Variants in DENND2A observed in about 807,000 individuals in gnomAD.
The protein encoded by DENND2A is DENN domain containing 2A.
Under a neutral mutation model 105.3 loss-of-function variants are expected in DENND2A, and 53 were observed. That is an observed-to-expected ratio of 0.50 (90% confidence interval 0.40 to 0.63). The LOEUF (loss-of-function observed/expected upper bound fraction) is 0.63. Among genes scored for constraint, DENND2A ranks in the 30% least tolerant of loss-of-function variants. DENND2A has a pLI of 0.00. For synonymous variants in DENND2A, 522 were observed against 508.4 expected (o/e 1.03, Z -0.36); for missense variants, 1,138 against 1,279.6 (o/e 0.89, Z 1.69).
chr7:140,563,506 A>G (rs939573196), intron 9 of DENND2A, among the ~76,000 whole-genome samples: 7 of 152,086 alleles, frequency 4.6e-5, no homozygotes, highest in Admixed American at 4.6e-4. Context: ...CTGTGCCTTG[A>G]TTCAGGTGAC....
At position 140,601,698 on chromosome 7, in the gene DENND2A, C is replaced by T. The variant is rs754664075; in HGVS notation, c.700G>A (p.Asp234Asn). 1.2e-6 allele frequency: 2 copies of T among 1,614,092 alleles called. No homozygotes were observed. Among genetic ancestry groups the T allele is most frequent in the Non-Finnish European group, 1.7e-6 (2 of 1,179,998 alleles). ...GREPTPELVE[D>N]RKGSCRRPWD... ...GGCCTTCTGCATGAACCTTTCCTGTCCTCCACAAGCTCAGGGGTGGGCTCC... is the reference window on the plus strand; with the variant it reads ...GGCCTTCTGCATGAACCTTTCCTGTTCTCCACAAGCTCAGGGGTGGGCTCC... Residue 234 changes from aspartate (D) to asparagine (N), a missense_variant, in exon 3 of 20, where the codon GAC becomes AAC. By Grantham distance (23) the Asp-to-Asn change is conservative (BLOSUM62 1). Transcript: ENST00000496613.
At chr7:140,579,708 G>T (rs192621004) in intron 5 of DENND2A, among the ~76,000 whole-genome samples, 1 of 152,012 alleles carries the variant, frequency 6.6e-6, no homozygotes, top group African/African-American at 2.4e-5. Flanking sequence ...ACACATGGAC[G>T]CACACCACAC....
intron 12 of DENND2A, among the ~76,000 whole-genome samples, chr7:140,555,310 T>G (rs1336774942): frequency 6.6e-6 from 1 of 151,884 alleles, no homozygotes; most frequent in Non-Finnish European, 1.5e-5. Context: ...ATTTTTTTTT[T>G]GTATTTTTAG....
intron 4 of DENND2A, among the ~76,000 whole-genome samples, chr7:140,586,900 G>C (rs1326362374): frequency 1.3e-5 from 2 of 152,028 alleles, no homozygotes; most frequent in African/African-American, 4.8e-5. Context: ...CACACATATG[G>C]GTTTCTCCCT....
chr7:140,518,755 TGAG>T lies in DENND2A; in HGVS notation c.2999-20_2999-18del, dbSNP rs746778251. ...TTTTATTGCCTAAAAAAAAGGAAAA[TGAG>T]AACATTTCACAAGGCAGACAAAGGA... On this transcript the variant is annotated intron_variant, in intron 19 of 19. Coordinates refer to ENST00000496613, the MANE Select transcript of DENND2A (RefSeq NM_015689.5). The T allele has an allele frequency of 2.5e-6, 4 of 1,611,688 alleles. No homozygotes were observed. Among genetic ancestry groups the T allele is most frequent in the Non-Finnish European group, 3.4e-6 (4 of 1,178,028 alleles).
chr7:140,527,016 G>A lies in DENND2A; in HGVS notation c.2505+302C>T, dbSNP rs889538369. On this transcript the variant is annotated intron_variant, in intron 15 of 19. Coordinates refer to ENST00000496613, the MANE Select transcript of DENND2A (RefSeq NM_015689.5). The surrounding 1 kb of genome is among the most constrained non-coding windows in gnomAD (Gnocchi z 4.9). Reference sequence around the variant, plus strand: ...GGAGTGGGCGAGAGGGCAGGGGAGAGGAGAGGGCTATTAATGACTTAAGAG... The same window carrying A: ...GGAGTGGGCGAGAGGGCAGGGGAGAAGAGAGGGCTATTAATGACTTAAGAG... Among the ~76,000 whole-genome samples the A allele has an allele frequency of 6.6e-6, 1 of 152,186 alleles. No individual in the cohort carries two copies. Among genetic ancestry groups the A allele is most frequent in the African/African-American group, 2.4e-5 (1 of 41,448 alleles).
chr7:140,521,965 C>T lies in DENND2A; in HGVS notation c.2801G>A (p.Arg934His), dbSNP rs376717563. ...EERTLQREAFRKAVSSKSLRH... is the reference protein window; with the variant it reads ...EERTLQREAFHKAVSSKSLRH... ...GAGGCTCTTGGAGGAGACAGCTTTG[C>T]GGAAGGCCTCCCGCTGCAGGGTTCT... Residue 934 changes from arginine (R) to histidine (H), a missense_variant, in exon 18 of 20, where the codon CGC (arginine) becomes CAC (histidine). Transcript: ENST00000496613. 10 of 1,614,024 alleles carry T rather than the reference C, an allele frequency of 6.2e-6. No homozygotes were observed. Among genetic ancestry groups the T allele is most frequent in the African/African-American group, 2.7e-5 (2 of 74,950 alleles).
At chr7:140,617,491 G>A (rs564067066) in intron 1 of DENND2A, among the ~76,000 whole-genome samples, 58 of 152,096 alleles carry the variant, frequency 3.8e-4, no homozygotes, top group Non-Finnish European at 7.6e-4. Flanking sequence ...TTGGGAGGCC[G>A]AGGCGGGTGG....
At position 140,601,624 on chromosome 7, in the gene DENND2A, G is replaced by T. The variant is rs756037054; in HGVS notation, c.774C>A (p.Pro258=). The change falls in exon 3 of 20, where the codon CCC becomes CCA. Residue 258 remains proline, a synonymous_variant. Coordinates refer to ENST00000496613, the MANE Select transcript of DENND2A (RefSeq NM_015689.5). ...GCAGAGGGTTGATGAAGGGCTTTGT[G>T]GGGGAACCCTCCGAGCCCCTATACA... ...ENVYRGSEGS[P]TKPFINPLPK... is the part of the protein sequence containing the mutation. 2 of 1,613,416 alleles carry T rather than the reference G, an allele frequency of 1.2e-6. No individual in the cohort carries two copies. The highest frequency in any genetic ancestry group is 1.7e-6 in the Non-Finnish European group (2 of 1,179,600).
At chr7:140,623,720 GAA>G (rs34329204) in intron 1 of DENND2A, among the ~76,000 whole-genome samples, 8 of 121,950 alleles carry the variant, frequency 6.6e-5, no homozygotes, top group South Asian at 2.6e-4. Flanking sequence ...ACTCCGTCTA[GAA>G]AAAAAAAAAA....
chr7:140,556,194 T>C (rs891602931), intron 11 of DENND2A, among the ~76,000 whole-genome samples: 1 of 151,878 alleles, frequency 6.6e-6, no homozygotes, highest in Non-Finnish European at 1.5e-5. Flanking sequence ...ATTTTTGTAC[T>C]TTTAGTAGAG....
intron 3 of DENND2A, among the ~76,000 whole-genome samples, chr7:140,591,437 C>T (rs1799013789): frequency 6.6e-6 from 1 of 152,154 alleles, no homozygotes; most frequent in Non-Finnish European, 1.5e-5. Context: ...AATTCCTATG[C>T]AGGAAGTCTG....
Position 140,518,448 on chromosome 7 carries a change from A to T in DENND2A, c.*259T>A, listed in dbSNP as rs768118597. ...TTTTCTTACTTTTAATATCTAAGAT[A>T]AAAAAAAAAACCCAACCACCAAAAC... On this transcript the variant is annotated 3_prime_UTR_variant, in exon 20 of 20. Transcript: ENST00000496613. The T allele has an allele frequency of 4.7e-4, 90 of 190,954 alleles. 1 individual carries two copies. The Middle Eastern group carries it at 0.013, about 27-fold the overall frequency. 11.8% of individuals were successfully genotyped at this position (190,954 alleles called of 1,614,324 possible). A position where few individuals can be genotyped will look rare whatever the true frequency, so the allele number is the denominator to read the frequency against.
At position 140,518,459 on chromosome 7, in the gene DENND2A, C is replaced by A. The variant is rs1238510860; in HGVS notation, c.*248G>T. On this transcript the variant is annotated 3_prime_UTR_variant, in exon 20 of 20. Coordinates refer to ENST00000496613, the MANE Select transcript of DENND2A (RefSeq NM_015689.5). The stretch of plus-strand genomic sequence containing the variant: ...TTAATATCTAAGATAAAAAAAAAAA[C>A]CCAACCACCAAAACAACCCATTTGC... 8.7e-5 allele frequency: 36 copies of A among 413,432 alleles called. No individual in the cohort carries two copies. Among genetic ancestry groups the A allele is most frequent in the African/African-American group, 3.7e-4 (18 of 48,534 alleles). The allele number at this position is 413,432 out of a possible 1,614,324, so 25.6% of individuals were successfully genotyped here. A position where few individuals can be genotyped will look rare whatever the true frequency, so the allele number is the denominator to read the frequency against.
chr7:140,544,423 G>T, intron 14 of DENND2A, 195 bp downstream of exon 14: 2 of 685,398 alleles, frequency 2.9e-6, no homozygotes, highest in Non-Finnish European at 2.6e-6. Flanking sequence ...TCGAACTCCT[G>T]GTCTCAAGTG....
At chr7:140,546,255 T>C (rs1796898926) in intron 13 of DENND2A, among the ~76,000 whole-genome samples, 2 of 151,896 alleles carry the variant, frequency 1.3e-5, no homozygotes, top group African/African-American at 4.8e-5. Context: ...CCGTCTGTAC[T>C]AAAAATACAA....
At chr7:140,614,569 T>A (rs1462479803) in intron 1 of DENND2A, among the ~76,000 whole-genome samples, 4 of 152,240 alleles carry the variant, frequency 2.6e-5, no homozygotes, top group Non-Finnish European at 5.9e-5. Flanking sequence ...GTTTTTGTGT[T>A]GCAAATAAGG....
Position 140,543,285 on chromosome 7 carries a change from ATTT to A in DENND2A, c.2327+1330_2327+1332del, listed in dbSNP as rs36113743. ...AGGCTCGAGCCACCATACCTGGCTAATTTTTTTTTTTTTTTTTTTTACGTTTTT... is the reference window on the plus strand; with the variant it reads ...AGGCTCGAGCCACCATACCTGGCTAATTTTTTTTTTTTTTTTTACGTTTTT... On this transcript the variant is annotated intron_variant, in intron 14 of 19. Coordinates refer to ENST00000496613, the MANE Select transcript of DENND2A (RefSeq NM_015689.5). Among the ~76,000 whole-genome samples, 108 of 128,316 alleles carry A rather than the reference ATTT, an allele frequency of 8.4e-4. 1 individual carries two copies. The highest frequency in any genetic ancestry group is 4.1e-3 in the Middle Eastern group (1 of 242). The allele number at this position is 128,316 out of a possible 152,430, so 84.2% of individuals were successfully genotyped here. A position where few individuals can be genotyped will look rare whatever the true frequency, so the allele number is the denominator to read the frequency against.
At chr7:140,538,282 C>T (rs1279683347) in intron 14 of DENND2A, among the ~76,000 whole-genome samples, 1 of 152,100 alleles carries the variant, frequency 6.6e-6, no homozygotes, top group East Asian at 1.9e-4. Flanking sequence ...CGAAGGTCCT[C>T]TCTGGGATGT....
Sources: gnomAD v4.1 joint callset for allele counts (sites outside exome capture counted in the v4.1 genomes callset) on GRCh38, gnomAD v4.1.1 for gene constraint, Gnocchi (gnomAD v3.1) non-coding constraint, MANE v1.5 for transcripts, NCBI Gene and HGNC (gene_info 2026-07-23, HGNC 2026-07-21) for gene names.